The following XKR9 variants were observed in gnomAD, a reference collection of about 807,000 sequenced individuals.
XKR9 encodes XK related 9.
A neutral mutation model predicts 32.0 loss-of-function variants in XKR9; 32 were observed. That is an observed-to-expected ratio of 1.00 (90% CI 0.76 to 1.34). XKR9 has a LOEUF of 1.34. Among genes scored for constraint, XKR9 ranks in the 40% most tolerant of loss-of-function variants. The pLI, the probability that XKR9 is intolerant of heterozygous loss-of-function variation, is 0.00. For synonymous variants in XKR9, 168 were observed against 143.4 expected, an observed-to-expected ratio of 1.17 and a Z score of -1.22; for missense variants, 546 against 429.7, an observed-to-expected ratio of 1.27 and a Z score of -2.39.
chr8:70,678,775 A>G (rs1186878735), intron 2 of XKR9, among the ~76,000 whole-genome samples: 1 of 152,236 alleles, frequency 6.6e-6, no homozygotes, highest in African/African-American at 2.4e-5. Context: ...AGAATGAAAT[A>G]CCTTTTAATA....
At chr8:70,959,211 G>A in the XKR9 span, among the ~76,000 whole-genome samples, 1 of 152,048 alleles carries the variant, frequency 6.6e-6, no homozygotes, top group Non-Finnish European at 1.5e-5. Flanking sequence ...TGTATTATAT[G>A]GAAAGTGGGA....
chr8:70,944,285 A>G, the XKR9 span, among the ~76,000 whole-genome samples: 83,281 of 152,124 alleles, frequency 0.55, 23,726 homozygotes, highest in Middle Eastern at 0.62. Flanking sequence ...AGTGTAAAAT[A>G]TAAGTGTCTG....
the XKR9 span, among the ~76,000 whole-genome samples, chr8:70,907,572 A>G: frequency 6.6e-6 from 1 of 152,206 alleles, no homozygotes; most frequent in Admixed American, 6.5e-5. Context: ...TGAGCATAAC[A>G]GATTTGGGGG....
At chr8:70,836,912 GA>G in the XKR9 span, among the ~76,000 whole-genome samples, 2 of 151,986 alleles carry the variant, frequency 1.3e-5, no homozygotes, top group Non-Finnish European at 2.9e-5. Flanking sequence ...TTTTAAAAAT[GA>G]AATTGCTCAG....
intron 1 of XKR9, among the ~76,000 whole-genome samples, chr8:70,672,682 C>T (rs948521678): frequency 6.6e-6 from 1 of 152,062 alleles, no homozygotes; most frequent in East Asian, 1.9e-4. Flanking sequence ...ACATTCCCAC[C>T]AACTGTGTAT....
chr8:70,683,544 G>A lies in XKR9; in HGVS notation c.272+2214G>A, dbSNP rs114470625. ...GCTCTGTCACCCAGGCTGGCCTGCAGTGGCGCCTTCCCAGCTCATTGCAGC... is the reference window on the plus strand; with the variant it reads ...GCTCTGTCACCCAGGCTGGCCTGCAATGGCGCCTTCCCAGCTCATTGCAGC... On this transcript the variant is annotated intron_variant, in intron 3 of 4. Transcript: ENST00000408926. 1,281 of 451,748 alleles carry A rather than the reference G, an allele frequency of 2.8e-3. 14 individuals carry two copies. The highest frequency in any genetic ancestry group is 0.021 in the African/African-American group (1,059 of 49,714). 28.0% of individuals were successfully genotyped at this position (451,748 alleles called of 1,614,324 possible).
At chr8:70,736,536 T>C (rs1330771706), downstream of XKR9, among the ~76,000 whole-genome samples, 10 of 152,328 alleles carry the variant, frequency 6.6e-5, no homozygotes, top group East Asian at 1.9e-4. Context: ...ACATGAATTC[T>C]GTGCCCATGC....
the XKR9 span, among the ~76,000 whole-genome samples, chr8:70,811,218 C>T: frequency 6.6e-5 from 10 of 150,854 alleles, no homozygotes; most frequent in East Asian, 5.8e-4. Flanking sequence ...TGAAGGCAGA[C>T]GTAAAGATGT....
chr8:70,928,924 A>G, the XKR9 span, among the ~76,000 whole-genome samples: 7 of 152,302 alleles, frequency 4.6e-5, no homozygotes, highest in African/African-American at 1.7e-4. Context: ...CCATTTCACA[A>G]ATTGATTATG....
the XKR9 span, among the ~76,000 whole-genome samples, chr8:71,012,517 C>A: frequency 2.0e-5 from 3 of 152,102 alleles, no homozygotes; most frequent in Non-Finnish European, 2.9e-5. Context: ...CTGGGAAAGT[C>A]AAAAATTGTG....
chr8:70,850,435 G>C, the XKR9 span, among the ~76,000 whole-genome samples: 1 of 128,098 alleles, frequency 7.8e-6, no homozygotes, highest in African/African-American at 3.0e-5. Flanking sequence ...CTGCACTCCA[G>C]CCCTGGTGAC....
chr8:70,898,636 T>C, the XKR9 span, among the ~76,000 whole-genome samples: 2 of 152,352 alleles, frequency 1.3e-5, no homozygotes, highest in South Asian at 2.1e-4. Context: ...ATTTTCCTGA[T>C]ATATTTCTGT....
At chr8:70,939,340 G>A in the XKR9 span, among the ~76,000 whole-genome samples, 6 of 152,104 alleles carry the variant, frequency 3.9e-5, no homozygotes, top group African/African-American at 1.4e-4. Context: ...AGGAGCTTCT[G>A]TGTTGAGTTA....
chr8:70,758,276 GTC>G (rs80272143), intron 2 of XKR9, among the ~76,000 whole-genome samples: 2 of 151,958 alleles, frequency 1.3e-5, no homozygotes, highest in East Asian at 3.9e-4. Flanking sequence ...GCACCAGTAG[GTC>G]TCTCTCTCAC....
At chr8:70,800,357 C>G in the XKR9 span, among the ~76,000 whole-genome samples, 1 of 151,988 alleles carries the variant, frequency 6.6e-6, no homozygotes, top group Non-Finnish European at 1.5e-5. Flanking sequence ...GGTTTGGTAT[C>G]AGGATGATGC....
At chr8:70,804,880 G>A in the XKR9 span, among the ~76,000 whole-genome samples, 1 of 152,062 alleles carries the variant, frequency 6.6e-6, no homozygotes, top group Middle Eastern at 3.2e-3. Flanking sequence ...TTATATAAAA[G>A]AAAAAGAGCA....
the XKR9 span, among the ~76,000 whole-genome samples, chr8:71,011,749 G>A: frequency 6.6e-6 from 1 of 152,124 alleles, no homozygotes; most frequent in East Asian, 1.9e-4. Context: ...GCCTCAACCT[G>A]GGATTTAAAA....
the XKR9 span, among the ~76,000 whole-genome samples, chr8:70,994,131 T>C: frequency 1.3e-5 from 2 of 152,310 alleles, no homozygotes; most frequent in South Asian, 4.1e-4. Context: ...ACCCAGTTTG[T>C]GGTATTTTGT....
the XKR9 span, among the ~76,000 whole-genome samples, chr8:70,957,147 C>A: frequency 6.6e-6 from 1 of 152,184 alleles, no homozygotes; most frequent in Admixed American, 6.5e-5. Flanking sequence ...AAGTATGCTA[C>A]CTCTAGAATC....
Sources: gnomAD v4.1 joint callset for allele counts (sites outside exome capture counted in the v4.1 genomes callset) on GRCh38, gnomAD v4.1.1 for gene constraint, MANE v1.5 for transcripts, NCBI Gene and HGNC (gene_info 2026-07-23, HGNC 2026-07-21) for gene names.